NRDC: variants seen among roughly 807,000 people sequenced by gnomAD.
NRDC encodes nardilysin convertase.
A neutral mutation model predicts 147.1 loss-of-function variants in NRDC; 54 were observed. That is an observed-to-expected ratio of 0.37 (90% CI 0.29 to 0.46). The LOEUF is 0.46. NRDC is among the 20% of genes least tolerant of loss of function. NRDC has a pLI of 1.00. For missense variants in NRDC, 1,082 were observed against 1,370.6 expected, an observed-to-expected ratio of 0.79 and a Z score of 3.33; for synonymous variants, 440 against 482.1, an observed-to-expected ratio of 0.91 and a Z score of 1.14.
At chr1:51,807,006 CTG>C in intron 17 of NRDC, 93 bp from the exon 18 acceptor site, 1 of 1,475,122 alleles carries the variant, frequency 6.8e-7, no homozygotes, top group Non-Finnish European at 9.0e-7. Flanking sequence ...TAACTTTTCT[CTG>C]TGGCAAAAAT....
At chr1:51,873,483 A>T (rs923237653) in intron 1 of NRDC, among the ~76,000 whole-genome samples, 6 of 96,016 alleles carry the variant, frequency 6.2e-5, no homozygotes, top group Non-Finnish European at 9.5e-5. Flanking sequence ...TGGAATTTTT[A>T]TTTATTTATT....
chr1:51,846,017 A>G (rs1318726522), intron 1 of NRDC, among the ~76,000 whole-genome samples: 2 of 152,224 alleles, frequency 1.3e-5, no homozygotes, highest in Non-Finnish European at 2.9e-5. Context: ...ATAAAGTTAC[A>G]ACAACAGAAC....
chr1:51,868,767 G>A (rs1162245330), intron 1 of NRDC, among the ~76,000 whole-genome samples: 1 of 152,110 alleles, frequency 6.6e-6, no homozygotes, highest in Non-Finnish European at 1.5e-5. Flanking sequence ...AGCTACTCAA[G>A]GAGGCTGAAG....
chr1:51,848,430 G>A (rs59048696), intron 1 of NRDC, among the ~76,000 whole-genome samples: 2 of 152,264 alleles, frequency 1.3e-5, no homozygotes, highest in African/African-American at 2.4e-5. Flanking sequence ...GCAGTGAGCC[G>A]AGATAGCGCC....
intron 1 of NRDC, among the ~76,000 whole-genome samples, chr1:51,840,738 T>A (rs777344528): frequency 1.2e-4 from 19 of 152,228 alleles, no homozygotes; most frequent in Non-Finnish European, 2.2e-4. Flanking sequence ...GAACACTTCA[T>A]AATATACGCT....
intron 1 of NRDC, among the ~76,000 whole-genome samples, chr1:51,858,945 G>A (rs924853217): frequency 1.3e-5 from 2 of 152,106 alleles, no homozygotes; most frequent in African/African-American, 4.8e-5. Flanking sequence ...CTTTGTTTAA[G>A]GTGCTTTTCT....
intron 10 of NRDC, 37 bp from the exon 11 acceptor site, chr1:51,816,426 A>G: frequency 7.6e-7 from 1 of 1,316,944 alleles, no homozygotes; most frequent in Non-Finnish European, 1.1e-6. Flanking sequence ...GAAAAAAACA[A>G]AAGGTATAAA....
At chr1:51,831,357 G>A (rs1358033676) in intron 4 of NRDC, among the ~76,000 whole-genome samples, 1 of 152,060 alleles carries the variant, frequency 6.6e-6, no homozygotes, top group Non-Finnish European at 1.5e-5. Context: ...ATATAAAGTT[G>A]TAAAAATTCA....
At chr1:51,848,244 G>C (rs1681753452) in intron 1 of NRDC, among the ~76,000 whole-genome samples, 1 of 152,214 alleles carries the variant, frequency 6.6e-6, no homozygotes, top group African/African-American at 2.4e-5. Flanking sequence ...GAGAGGCCAA[G>C]GCGGGCGGAT....
chr1:51,870,670 GAAGAT>G (rs1211322053), intron 1 of NRDC, among the ~76,000 whole-genome samples: 1 of 152,040 alleles, frequency 6.6e-6, no homozygotes, highest in African/African-American at 2.4e-5. Context: ...CACTTTAAGT[GAAGAT>G]ATTTTCTCGT....
At chr1:51,837,214 T>C (rs1017655930) in intron 2 of NRDC, among the ~76,000 whole-genome samples, 1 of 152,080 alleles carries the variant, frequency 6.6e-6, no homozygotes, top group South Asian at 2.1e-4. Context: ...TAAATGTCAA[T>C]TTTACAGGGC....
intron 13 of NRDC, 188 bp from the exon 14 acceptor site, chr1:51,814,277 A>G (rs561696190): frequency 1.8e-4 from 108 of 587,980 alleles, no homozygotes; most frequent in Non-Finnish European, 2.9e-4. Flanking sequence ...ACCTGCACAT[A>G]TACCCCTGAA....
chr1:51,843,482 C>T (rs755433559), intron 1 of NRDC, among the ~76,000 whole-genome samples: 8 of 152,142 alleles, frequency 5.3e-5, no homozygotes, highest in Non-Finnish European at 8.8e-5. Flanking sequence ...CAAGTTGCTG[C>T]CCCTACAGAC....
chr1:51,830,135 T>G (rs1298342899), intron 4 of NRDC, among the ~76,000 whole-genome samples: 1 of 152,016 alleles, frequency 6.6e-6, no homozygotes, highest in African/African-American at 2.4e-5. Flanking sequence ...CGGCTAATTT[T>G]TGTATTTTTA....
At chr1:51,835,243 T>C (rs1680898253) in intron 3 of NRDC, among the ~76,000 whole-genome samples, 1 of 151,912 alleles carries the variant, frequency 6.6e-6, no homozygotes, top group Admixed American at 6.6e-5. Flanking sequence ...TGTGTTTTTG[T>C]AGAGATGGAG....
intron 4 of NRDC, among the ~76,000 whole-genome samples, chr1:51,831,462 T>A (rs1356707304): frequency 6.6e-6 from 1 of 152,226 alleles, no homozygotes; most frequent in African/African-American, 2.4e-5. Context: ...AGAGTAAAGA[T>A]GCAGTTTTCT....
At position 51,805,579 on chromosome 1, in the gene NRDC, A is replaced by C; in HGVS notation, c.2111-18T>G. The stretch of plus-strand genomic sequence containing the variant: ...TATATATGCTAAAAGAAAAAAGACC[A>C]TAGATAAAAAAGGTTAGGGGCCTCA... On this transcript the variant is annotated intron_variant, in intron 18 of 30. Transcript: ENST00000352171. The C allele has an allele frequency of 6.5e-7, 1 of 1,537,542 alleles. No individual in the cohort carries two copies.
In NRDC at chr1:51,789,552, A is replaced by G. The variant is rs1678474059; in HGVS notation, c.3258+16T>C. 3 of 1,603,236 alleles carry G rather than the reference A, an allele frequency of 1.9e-6. No homozygotes were observed. Among genetic ancestry groups the G allele is most frequent in the South Asian group, 2.2e-5 (2 of 90,856 alleles). Reference sequence around the variant, plus strand: ...TGACAACCCTAGAATGGATGGAGTTAGTTAAACATACTCACATGAACGCTG... The same window carrying G: ...TGACAACCCTAGAATGGATGGAGTTGGTTAAACATACTCACATGAACGCTG... On this transcript the variant is annotated intron_variant, in intron 30 of 30. Transcript: ENST00000352171.
chr1:51,823,100 A>C (rs1179606795), intron 7 of NRDC, among the ~76,000 whole-genome samples: 1 of 152,234 alleles, frequency 6.6e-6, no homozygotes, highest in Non-Finnish European at 1.5e-5. Flanking sequence ...AGTGAATGTG[A>C]GTTACTGAAG....
Sources: allele counts gnomAD v4.1 joint callset (sites outside exome capture counted in the v4.1 genomes callset), GRCh38; gene constraint gnomAD v4.1.1; transcripts MANE v1.5; gene names NCBI Gene and HGNC (gene_info 2026-07-23, HGNC 2026-07-21).